The following ABLIM3 variants were observed in gnomAD, a reference collection of about 807,000 sequenced individuals.
ABLIM3 encodes the protein actin-binding LIM protein 3.
In ABLIM3, 61 loss-of-function variants were observed where a neutral mutation model predicts 109.5. The observed-to-expected ratio is 0.56, with a 90% CI of 0.45 to 0.69. ABLIM3 has a LOEUF of 0.69. Ranked by LOEUF, ABLIM3 falls within the 30% of genes least tolerant of loss-of-function variation. The pLI, the probability that ABLIM3 is intolerant of heterozygous loss-of-function variation, is 0.00. For missense variants in ABLIM3, 796 were observed against 889.5 expected, an observed-to-expected ratio of 0.89 and a Z score of 1.34; for synonymous variants, 300 against 324.8, an observed-to-expected ratio of 0.92 and a Z score of 0.82.
At chr5:149,252,108 C>G (rs966860690) in intron 21 of ABLIM3, 93 bp from the exon 22 acceptor site, 1 of 1,439,990 alleles carries the variant, frequency 6.9e-7, no homozygotes, top group African/African-American at 1.4e-5. Flanking sequence ...GAGGCCAGAC[C>G]CCCTGAGAGA....
intron 7 of ABLIM3, among the ~76,000 whole-genome samples, chr5:149,213,316 A>G (rs560735007): frequency 1.3e-5 from 2 of 152,334 alleles, no homozygotes; most frequent in South Asian, 4.1e-4. Context: ...AAAGCGACTC[A>G]GAAAGAGACT....
At chr5:149,162,751 A>G (rs1470558119) in intron 2 of ABLIM3, among the ~76,000 whole-genome samples, 4 of 152,056 alleles carry the variant, frequency 2.6e-5, no homozygotes, top group African/African-American at 9.7e-5. Flanking sequence ...CCCCTCACTC[A>G]ATGCTTTTGA....
rs549124956 is a variant in ABLIM3, at chr5:149,191,413, G to T, written c.152-6806G>T. 2.0e-5 allele frequency among the ~76,000 whole-genome samples: 3 copies of T among 152,236 alleles called. No homozygotes were observed. The South Asian group carries it at 6.2e-4, about 32-fold the overall frequency. On this transcript the variant is annotated intron_variant, in intron 3 of 23. Transcript: ENST00000309868. ...CCTGAGTAGTCCTATAATCATCCAA[G>T]ATATTGAATTTGTGAATTTGTAGTT...
chr5:149,192,543 AT>A (rs1757576381), intron 3 of ABLIM3, among the ~76,000 whole-genome samples: 1 of 151,104 alleles, frequency 6.6e-6, no homozygotes, highest in Non-Finnish European at 1.5e-5. Context: ...GGAGAATGGC[AT>A]GAACCTGAGA....
chr5:149,239,779 C>T lies in ABLIM3; in HGVS notation c.1095C>T (p.Asp365=). Residue 365 remains aspartate, a synonymous_variant, in exon 13 of 24, where the codon GAC becomes GAT. Transcript: ENST00000309868. ...PYSQDIYENL[D]LRQRRASSPG... is the part of the protein sequence containing the mutation. ...CCCAGGACATCTACGAGAACCTGGA[C>T]CTCCGGCAGAGACGGGCCTCCAGCC... 6.2e-7 allele frequency: 1 copy of T among 1,607,074 alleles called. No individual in the cohort carries two copies. Among genetic ancestry groups the T allele is most frequent in the Non-Finnish European group, 8.5e-7 (1 of 1,176,786 alleles).
At chr5:149,169,712 C>G (rs1337685049) in intron 2 of ABLIM3, among the ~76,000 whole-genome samples, 1 of 152,162 alleles carries the variant, frequency 6.6e-6, no homozygotes, top group African/African-American at 2.4e-5. Flanking sequence ...CCACAATACT[C>G]CTCTTCCTCT....
At position 149,183,606 on chromosome 5, in the gene ABLIM3, CCCCA is replaced by C; in HGVS notation, c.151+19_151+22del. On this transcript the variant is annotated intron_variant, in intron 3 of 23. Coordinates refer to ENST00000309868, the MANE Select transcript of ABLIM3 (RefSeq NM_014945.5). ...CCTGTCAAGGTAGGAGGCTCAGCTC[CCCCA>C]CTCTCTTCTTAGATTCCTGACCATT... 2 of 1,510,302 alleles carry C rather than the reference CCCCA, an allele frequency of 1.3e-6. No homozygotes were observed. Among genetic ancestry groups the C allele is most frequent in the Non-Finnish European group, 8.9e-7 (1 of 1,128,472 alleles). 93.6% of individuals were successfully genotyped at this position (1,510,302 alleles called of 1,614,324 possible).
At chr5:149,195,340 A>G (rs1235631943) in intron 3 of ABLIM3, among the ~76,000 whole-genome samples, 1 of 152,116 alleles carries the variant, frequency 6.6e-6, no homozygotes, top group African/African-American at 2.4e-5. Context: ...TTTATTCCGG[A>G]TTTGCTCAAA....
intron 23 of ABLIM3, 26 bp from the exon 24 acceptor site, chr5:149,258,265 A>AC: frequency 6.9e-7 from 1 of 1,454,598 alleles, no homozygotes. Context: ...CTGTCCCCCC[A>AC]CCCCCGCCTG....
intron 2 of ABLIM3, among the ~76,000 whole-genome samples, chr5:149,181,944 C>T (rs1481523980): frequency 6.6e-6 from 1 of 152,156 alleles, no homozygotes; most frequent in East Asian, 1.9e-4. Flanking sequence ...TCTGGGGTAA[C>T]ATTCATTCCT....
At chr5:149,200,003 AG>A (rs1247712248) in intron 4 of ABLIM3, among the ~76,000 whole-genome samples, 2 of 152,014 alleles carry the variant, frequency 1.3e-5, no homozygotes, top group African/African-American at 4.8e-5. Flanking sequence ...GGATGGAAAA[AG>A]TCCTTCCAGA....
intron 8 of ABLIM3, chr5:149,218,942 G>C (rs1760372173): frequency 6.6e-6 from 1 of 152,370 alleles, no homozygotes. Flanking sequence ...GAATGTCATT[G>C]GTGGAATCGC....
At chr5:149,239,333 C>T in intron 12 of ABLIM3, 56 bp downstream of exon 12, 3 of 1,573,766 alleles carry the variant, frequency 1.9e-6, no homozygotes, top group Non-Finnish European at 2.6e-6. Context: ...TTTATGTGGA[C>T]TTCACCCATC....
chr5:149,181,017 A>G (rs1274921588), intron 2 of ABLIM3, among the ~76,000 whole-genome samples: 1 of 152,220 alleles, frequency 6.6e-6, no homozygotes, highest in African/African-American at 2.4e-5. Context: ...GAGGTAGATG[A>G]AAGTTTGTGC....
chr5:149,229,899 G>A (rs959137579), intron 8 of ABLIM3, among the ~76,000 whole-genome samples: 1 of 152,168 alleles, frequency 6.6e-6, no homozygotes, highest in Admixed American at 6.5e-5. Context: ...TAAAATGTGG[G>A]CGTTAGCAGT....
intron 14 of ABLIM3, among the ~76,000 whole-genome samples, chr5:149,241,432 G>A (rs553460121): frequency 4.5e-4 from 68 of 152,326 alleles, no homozygotes; most frequent in South Asian, 1.0e-3. Context: ...GGGCGGTCAG[G>A]AAGAGCTTCT....
chr5:149,259,567 T>A lies in ABLIM3; in HGVS notation c.*1163T>A. 6.5e-7 allele frequency: 1 copy of A among 1,536,226 alleles called. No homozygotes were observed. The highest frequency in any genetic ancestry group is 8.7e-7 in the Non-Finnish European group (1 of 1,146,942). On this transcript the variant is annotated 3_prime_UTR_variant, in exon 24 of 24. Coordinates refer to ENST00000309868, the MANE Select transcript of ABLIM3 (RefSeq NM_014945.5). Reference sequence around the variant, plus strand: ...ACAGGGAAACTTTTGGAAGAGTGGCTGCTTATGAGATTCCAAAATGAAGTG... The same window carrying A: ...ACAGGGAAACTTTTGGAAGAGTGGCAGCTTATGAGATTCCAAAATGAAGTG...
chr5:149,252,390 TAG>T (rs1754018909), intron 22 of ABLIM3, 182 bp downstream of exon 22: 3 of 617,612 alleles, frequency 4.9e-6, no homozygotes, highest in Non-Finnish European at 8.3e-6. Flanking sequence ...AATCCTGCCC[TAG>T]GTCTCTTGCC....
chr5:149,222,489 C>G (rs1760750030), intron 8 of ABLIM3, among the ~76,000 whole-genome samples: 1 of 151,978 alleles, frequency 6.6e-6, no homozygotes, highest in African/African-American at 2.4e-5. Flanking sequence ...TTTCTTTAGG[C>G]AGAGGGTCCA....
Sources: gnomAD v4.1 joint callset for allele counts (sites outside exome capture counted in the v4.1 genomes callset) on GRCh38, gnomAD v4.1.1 for gene constraint, MANE v1.5 for transcripts, NCBI Gene and HGNC (gene_info 2026-07-23, HGNC 2026-07-21) for gene names.